LINGO1: variants seen among roughly 807,000 people sequenced by gnomAD.
LINGO1 encodes the protein leucine-rich repeat and immunoglobulin-like domain-containing nogo receptor-interacting protein 1.
A neutral mutation model predicts 37.3 loss-of-function variants in LINGO1; 11 were observed. The ratio of observed to expected loss-of-function variants is 0.29; its 90% CI spans 0.19 to 0.49. LINGO1 has a LOEUF of 0.49. LINGO1 is among the 20% of genes least tolerant of loss of function. The probability of loss-of-function intolerance (pLI) is 0.99; values close to 1 mark genes in which losing one functional copy is unlikely to be tolerated. For missense variants in LINGO1, 585 were observed against 878.2 expected (o/e 0.67, Z 4.22); for synonymous variants, 387 against 403.0 (o/e 0.96, Z 0.48).
At chr15:77,786,671 C>T (rs1372226929) in intron 1 of LINGO1, among the ~76,000 whole-genome samples, 2 of 152,186 alleles carry the variant, frequency 1.3e-5, no homozygotes, top group Non-Finnish European at 2.9e-5. Flanking sequence ...ACCCGTGGCA[C>T]CATCTCCTCG....
At chr15:77,800,622 T>C (rs1263659477) in intron 1 of LINGO1, among the ~76,000 whole-genome samples, 1 of 152,242 alleles carries the variant, frequency 6.6e-6, no homozygotes, top group Non-Finnish European at 1.5e-5. Flanking sequence ...AAAATTCTTA[T>C]TTGAAATGAA....
chr15:77,776,522 G>GGAAAGCAGGACGGC (rs2076651152), intron 1 of LINGO1, among the ~76,000 whole-genome samples: 1 of 52,470 alleles, frequency 1.9e-5, no homozygotes. Flanking sequence ...GGCAGGAAGG[G>GGAAAGCAGGACGGC]AGGAAGGGAG....
At chr15:77,747,170 C>T (rs1034067184) in intron 1 of LINGO1, among the ~76,000 whole-genome samples, 4 of 152,194 alleles carry the variant, frequency 2.6e-5, no homozygotes, top group African/African-American at 9.7e-5. Flanking sequence ...CTCCAGAGCT[C>T]CAGTCCCCTG....
chr15:77,767,969 C>T (rs1039844839), intron 1 of LINGO1, among the ~76,000 whole-genome samples: 2 of 152,224 alleles, frequency 1.3e-5, no homozygotes, highest in Non-Finnish European at 2.9e-5. Flanking sequence ...GAAGTAAACA[C>T]TCAAACAATC....
intron 1 of LINGO1, among the ~76,000 whole-genome samples, chr15:77,619,498 A>G (rs116244044): frequency 0.014 from 2,120 of 152,112 alleles, 37 homozygotes; most frequent in African/African-American, 0.043. Flanking sequence ...AAGGCTGGGC[A>G]ACATAGTGAG....
intron 1 of LINGO1, among the ~76,000 whole-genome samples, chr15:77,761,981 C>G (rs2076482313): frequency 6.6e-6 from 1 of 152,200 alleles, no homozygotes; most frequent in African/African-American, 2.4e-5. Flanking sequence ...CTGACCCTTT[C>G]TGACCCCATG....
chr15:77,698,249 G>C (rs1375863644), upstream of LINGO1, among the ~76,000 whole-genome samples: 1 of 152,196 alleles, frequency 6.6e-6, no homozygotes, highest in Non-Finnish European at 1.5e-5. Flanking sequence ...TGTCCAAACA[G>C]CATCTTTAAC....
At chr15:77,687,901 G>C (rs2075539312) in intron 2 of LINGO1, among the ~76,000 whole-genome samples, 1 of 152,198 alleles carries the variant, frequency 6.6e-6, no homozygotes, top group South Asian at 2.1e-4. Flanking sequence ...CCTGACCTTT[G>C]GAAGGCAGAG....
rs2142485030 is a variant in LINGO1 at position 77,615,678 on chromosome 15, C to A, written c.229G>T (p.Asp77Tyr). 1 of 1,603,172 alleles carries A rather than the reference C, an allele frequency of 6.2e-7. No homozygotes were observed. Among genetic ancestry groups the A allele is most frequent in the East Asian group, 2.3e-5 (1 of 44,410 alleles). Reference protein sequence around the residue: ...EGIPTETRLLDLGKNRIKTLN... With the variant: ...EGIPTETRLLYLGKNRIKTLN... Reference sequence around the variant, plus strand: ...GTTTTGATGCGGTTCTTGCCTAGGTCCAGCAGGCGCGTCTCGGTGGGGATG... The same window carrying A: ...GTTTTGATGCGGTTCTTGCCTAGGTACAGCAGGCGCGTCTCGGTGGGGATG... Residue 77 changes from aspartate to tyrosine, a missense_variant, in exon 2 of 2, where the codon GAC becomes TAC. This residue lies in a region of LINGO1 where 484 missense variants were observed against 735.0 expected (regional missense o/e 0.66). Coordinates refer to ENST00000355300, the MANE Select transcript of LINGO1 (RefSeq NM_032808.7).
chr15:77,736,578 C>T (rs1359699919), intron 1 of LINGO1, among the ~76,000 whole-genome samples: 2 of 151,986 alleles, frequency 1.3e-5, no homozygotes, highest in African/African-American at 4.8e-5. Flanking sequence ...GCCTGGGTGA[C>T]ATAGCAAGAC....
At chr15:77,736,152 A>T (rs1302001246) in intron 1 of LINGO1, among the ~76,000 whole-genome samples, 2 of 152,176 alleles carry the variant, frequency 1.3e-5, no homozygotes, top group Admixed American at 1.3e-4. Flanking sequence ...TTGGCATGAA[A>T]CTTTAACTGT....
chr15:77,749,610 G>A (rs2076350840), intron 1 of LINGO1, among the ~76,000 whole-genome samples: 1 of 152,216 alleles, frequency 6.6e-6, no homozygotes, highest in African/African-American at 2.4e-5. Context: ...TCTTAGGAAT[G>A]TGTCATCCCC....
chr15:77,713,360 G>T (rs2075944197), intron 2 of LINGO1, among the ~76,000 whole-genome samples: 1 of 151,864 alleles, frequency 6.6e-6, no homozygotes, highest in African/African-American at 2.4e-5. Flanking sequence ...TTACAAGCGT[G>T]AGCCACTGTG....
intron 2 of LINGO1, among the ~76,000 whole-genome samples, chr15:77,731,124 C>A (rs542634773): frequency 6.6e-6 from 1 of 152,206 alleles, no homozygotes; most frequent in African/African-American, 2.4e-5. Flanking sequence ...TCCAGCCCCC[C>A]AGACACCCCT....
At chr15:77,690,064 C>T (rs2075576852) in intron 2 of LINGO1, among the ~76,000 whole-genome samples, 2 of 152,208 alleles carry the variant, frequency 1.3e-5, no homozygotes, top group Admixed American at 6.5e-5. Flanking sequence ...CCATCTATGA[C>T]ATCATCTAGA....
chr15:77,764,706 C>T (rs151138479), intron 1 of LINGO1, among the ~76,000 whole-genome samples: 66 of 152,278 alleles, frequency 4.3e-4, no homozygotes, highest in African/African-American at 1.4e-3. Context: ...ACTACTCATA[C>T]GTTGCTGTTG....
chr15:77,659,806 C>T (rs2074948305), intron 3 of LINGO1, among the ~76,000 whole-genome samples: 1 of 149,144 alleles, frequency 6.7e-6, no homozygotes, highest in Admixed American at 6.7e-5. Flanking sequence ...TACTGTATTA[C>T]CAGGCAGCCT....
At chr15:77,628,352 G>C (rs538998485) in intron 1 of LINGO1, among the ~76,000 whole-genome samples, 1 of 152,260 alleles carries the variant, frequency 6.6e-6, no homozygotes, top group South Asian at 2.1e-4. Context: ...AGGATCACAT[G>C]ACAGAACATT....
At chr15:77,646,108 G>A (rs953459343) in intron 3 of LINGO1, among the ~76,000 whole-genome samples, 6 of 152,212 alleles carry the variant, frequency 3.9e-5, no homozygotes. Flanking sequence ...GGCGTGTGAT[G>A]GAACAGACAC....
Sources: gnomAD v4.1 joint callset for allele counts (sites outside exome capture counted in the v4.1 genomes callset) on GRCh38, gnomAD v4.1.1 for gene constraint, gnomAD v4.1.1 regional missense constraint, MANE v1.5 for transcripts, NCBI Gene and HGNC (gene_info 2026-07-23, HGNC 2026-07-21) for gene names.